The following MAN2B2 variants were observed in gnomAD, a reference collection of about 807,000 sequenced individuals.
MAN2B2 encodes the protein mannosidase alpha class 2B member 2.
MAN2B2 carries 106 observed loss-of-function variants against 117.1 expected under a neutral mutation model. The observed-to-expected ratio is 0.90, with a 90% CI of 0.77 to 1.06. The LOEUF is 1.06. MAN2B2 is among the 50% of genes least tolerant of loss of function. MAN2B2 has a pLI of 0.00. For missense variants in MAN2B2, 1,326 were observed against 1,381.4 expected, an observed-to-expected ratio of 0.96 and a Z score of 0.64; for synonymous variants, 544 against 595.1, an observed-to-expected ratio of 0.91 and a Z score of 1.25.
At chr4:6,592,299 G>C (rs1225835154) in intron 5 of MAN2B2, among the ~76,000 whole-genome samples, 1 of 152,118 alleles carries the variant, frequency 6.6e-6, no homozygotes, top group Non-Finnish European at 1.5e-5. Flanking sequence ...ACAACAACCT[G>C]CTCCACATTC....
chr4:6,600,533 A>C, intron 9 of MAN2B2, 90 bp from the exon 10 acceptor site: 1 of 1,482,088 alleles, frequency 6.7e-7, no homozygotes, highest in Non-Finnish European at 9.3e-7. Context: ...CACCTACCTC[A>C]GTTTCCCTCA....
At position 6,594,623 on chromosome 4, in the gene MAN2B2, C is replaced by T. The variant is rs368931196; in HGVS notation, c.948C>T (p.Leu316=). ...ACATCAACAGCCATGCTGCCGAGCTCGGTGTCTCGGTGCAGTATGCCACGC... is the reference window on the plus strand; with the variant it reads ...ACATCAACAGCCATGCTGCCGAGCTTGGTGTCTCGGTGCAGTATGCCACGC... The part of the protein sequence containing the change: ...LDHINSHAAE[L]GVSVQYATLG... Residue 316 remains leucine, a synonymous_variant, in exon 7 of 19, where the codon CTC becomes CTT. Coordinates refer to ENST00000285599, the MANE Select transcript of MAN2B2 (RefSeq NM_015274.3). 263 of 1,613,580 alleles carry T rather than the reference C, an allele frequency of 1.6e-4. 1 individual carries two copies. The highest frequency in any genetic ancestry group is 4.5e-4 in the East Asian group (20 of 44,884).
intron 1 of MAN2B2, among the ~76,000 whole-genome samples, chr4:6,576,223 T>A (rs911760256): frequency 3.3e-5 from 5 of 152,148 alleles, no homozygotes; most frequent in African/African-American, 1.2e-4. Context: ...CCTAAGACTT[T>A]CCTGTGCTGC....
intron 16 of MAN2B2, 54 bp from the exon 17 acceptor site, chr4:6,617,326 C>A: frequency 1.5e-6 from 2 of 1,353,064 alleles, no homozygotes; most frequent in South Asian, 1.2e-5. Context: ...AGACCAGGGA[C>A]ATTGGGGTTG....
chr4:6,600,472 G>A (rs1179641086), intron 9 of MAN2B2, 151 bp from the exon 10 acceptor site: 2 of 859,648 alleles, frequency 2.3e-6, no homozygotes, highest in Non-Finnish European at 3.7e-6. Context: ...GGAAACACCT[G>A]TTGGCCTGCC....
At chr4:6,593,050 A>G (rs1726916463) in intron 5 of MAN2B2, 123 bp from the exon 6 acceptor site, 1 of 895,356 alleles carries the variant, frequency 1.1e-6, no homozygotes, top group African/African-American at 1.7e-5. Flanking sequence ...GAGTGGGAGA[A>G]TTCAGTCTCA....
chr4:6,585,835 TGGC>T (rs1171438575), intron 3 of MAN2B2, among the ~76,000 whole-genome samples: 2 of 152,150 alleles, frequency 1.3e-5, no homozygotes, highest in Non-Finnish European at 2.9e-5. Context: ...TGACTGGTCA[TGGC>T]ACAGCAGCTG....
chr4:6,595,527 T>A (rs1727044743), intron 7 of MAN2B2, among the ~76,000 whole-genome samples: 1 of 152,198 alleles, frequency 6.6e-6, no homozygotes, highest in Admixed American at 6.5e-5. Context: ...GCCTTCTTTC[T>A]GCATCACCCA....
At chr4:6,599,670 A>AAG (rs1236961364) in intron 9 of MAN2B2, among the ~76,000 whole-genome samples, 1 of 151,926 alleles carries the variant, frequency 6.6e-6, no homozygotes, top group East Asian at 1.9e-4. Context: ...CTCAAAAAAA[A>AAG]AAAAAAAAAA....
chr4:6,577,285 G>A (rs1726103629), intron 2 of MAN2B2, among the ~76,000 whole-genome samples: 1 of 152,154 alleles, frequency 6.6e-6, no homozygotes, highest in Admixed American at 6.5e-5. Flanking sequence ...CTATTAAACG[G>A]GGGTGACCGC....
In MAN2B2 at chr4:6,576,437, A is replaced by G. The variant is rs2108854625; in HGVS notation, c.139-141A>G. 3 of 962,756 alleles carry G rather than the reference A, an allele frequency of 3.1e-6. No homozygotes were observed. The East Asian group carries it at 7.3e-5, about 23-fold the overall frequency. The allele number at this position is 962,756 out of a possible 1,614,324, so 59.6% of individuals were successfully genotyped here. ...AGAGCCTGGTATGGAGCGAGTGCCT[A>G]ATAGCTGTGTGGGGGGTGAGCAGCA... On this transcript the variant is annotated intron_variant, in intron 1 of 18. Transcript: ENST00000285599.
intron 3 of MAN2B2, among the ~76,000 whole-genome samples, chr4:6,579,416 TCAC>T (rs1331166913): frequency 4.8e-5 from 3 of 63,124 alleles, no homozygotes; most frequent in Non-Finnish European, 6.5e-5. Flanking sequence ...ACCATCACCA[TCAC>T]CACCACCATC....
intron 18 of MAN2B2, chr4:6,620,298 G>A (rs1299157004): frequency 5.2e-6 from 2 of 385,966 alleles, no homozygotes; most frequent in Non-Finnish European, 9.7e-6. Flanking sequence ...CAGACCACAC[G>A]CCCTGCCTGT....
At chr4:6,579,304 CCACCACCACCACCAT>C (rs1726301145) in intron 3 of MAN2B2, among the ~76,000 whole-genome samples, 1 of 78,032 alleles carries the variant, frequency 1.3e-5, no homozygotes, top group Non-Finnish European at 2.9e-5. Flanking sequence ...ACCACCATCA[CCACCACCACCACCAT>C]CACCACCACC....
rs191211065 is a variant in MAN2B2, at chr4:6,610,862, C to T, written c.2260-18C>T. ...CCCTTTGCCCCAATCGCCCACCTGG[C>T]GATGTTTCTGTCTGCAGAATTACTA... On this transcript the variant is annotated intron_variant, in intron 13 of 18. Transcript: ENST00000285599. The T allele has an allele frequency of 3.3e-4, 537 of 1,611,686 alleles. 4 individuals are homozygous for T. The African/African-American group carries it at 5.2e-3, about 16-fold the overall frequency.
chr4:6,608,629 C>T (rs575198874), intron 11 of MAN2B2, among the ~76,000 whole-genome samples: 21 of 152,296 alleles, frequency 1.4e-4, no homozygotes, highest in South Asian at 6.2e-4. Context: ...CTTCCAGCCT[C>T]GGATGCCTCG....
Position 6,589,212 on chromosome 4 carries a change from A to C in MAN2B2, c.680+52A>C, listed in dbSNP as rs945523446. On this transcript the variant is annotated intron_variant, in intron 5 of 18. Transcript: ENST00000285599. ...GGATCTCAGACAGCAGGGTCTGCCC[A>C]GCCCCTGCAGCTGTTCTGCAGTTTT... The C allele has an allele frequency of 2.2e-6, 3 of 1,336,558 alleles. No individual in the cohort carries two copies. The African/African-American group carries it at 4.3e-5, about 19-fold the overall frequency. The allele number at this position is 1,336,558 out of a possible 1,614,324, so 82.8% of individuals were successfully genotyped here. A position where few individuals can be genotyped will look rare whatever the true frequency, so the allele number is the denominator to read the frequency against.
intron 3 of MAN2B2, among the ~76,000 whole-genome samples, chr4:6,581,535 G>A (rs562549831): frequency 1.4e-4 from 21 of 152,200 alleles, no homozygotes; most frequent in African/African-American, 5.1e-4. Flanking sequence ...TTCTGGCTGT[G>A]AATTATGTCC....
chr4:6,621,223 C>G lies in MAN2B2; in HGVS notation c.2968C>G (p.Pro990Ala), dbSNP rs769881226. 6.2e-7 allele frequency: 1 copy of G among 1,614,082 alleles called. No homozygotes were observed. The highest frequency in any genetic ancestry group is 1.7e-5 in the Admixed American group (1 of 60,010). Residue 990 changes from proline to alanine, a missense_variant, in exon 19 of 19, where the codon CCC becomes GCC. By Grantham distance (27) the Pro-to-Ala change is conservative. Coordinates refer to ENST00000285599, the MANE Select transcript of MAN2B2 (RefSeq NM_015274.3). ...TTSPSRPPGGPIITVHPKEIR... is the reference protein window; with the variant it reads ...TTSPSRPPGGAIITVHPKEIR... ...CTCTCCCTCGAGGCCACCAGGAGGCCCCATCATCACCGTCCACCCAAAGGA... is the reference window on the plus strand; with the variant it reads ...CTCTCCCTCGAGGCCACCAGGAGGCGCCATCATCACCGTCCACCCAAAGGA...
Sources: gnomAD v4.1 joint callset for allele counts (sites outside exome capture counted in the v4.1 genomes callset) on GRCh38, gnomAD v4.1.1 for gene constraint, MANE v1.5 for transcripts, NCBI Gene and HGNC (gene_info 2026-07-23, HGNC 2026-07-21) for gene names.